Variants in CTSB observed in about 807,000 individuals in gnomAD.
The protein encoded by CTSB is APP secretase.
CTSB carries 57 observed loss-of-function variants against 44.3 expected under a neutral mutation model. The observed-to-expected ratio is 1.29, with a 90% CI of 1.04 to 1.60. The LOEUF (loss-of-function observed/expected upper bound fraction) is 1.60. CTSB is among the 40% of genes most tolerant of loss of function. The pLI is 0.00. For missense variants in CTSB, 768 were observed against 443.0 expected (o/e 1.73, Z -6.59); for synonymous variants, 320 against 168.0 (o/e 1.91, Z -7.00).
Position 11,845,150 on chromosome 8 carries a change from G to C in CTSB, c.995C>G (p.Thr332Ser), listed in dbSNP as rs144732218. 6.2e-7 allele frequency: 1 copy of C among 1,613,636 alleles called. No individual in the cohort carries two copies. The highest frequency in any genetic ancestry group is 2.2e-5 in the East Asian group (1 of 44,888). ...TTAGATCTTTTCCCAGTACTGATCG[G>C]TGCGTGGAATTCCAGCCACCACTTC... ...ESEVVAGIPR[T>S]DQYWEKI is the part of the protein sequence containing the mutation. The change falls in exon 10 of 10, where the codon ACC becomes AGC. Residue 332 changes from threonine to serine, a missense_variant. Transcript: ENST00000353047.
chr8:11,864,331 A>AG (rs1816818261), intron 1 of CTSB: 1 of 150,238 alleles, frequency 6.7e-6, no homozygotes, highest in Non-Finnish European at 1.5e-5. Context: ...AAAAAAAAAA[A>AG]AAAAAAAAAA....
Position 11,845,240 on chromosome 8 carries a change from G to T in CTSB, c.923-18C>A, listed in dbSNP as rs770040748. On this transcript the variant is annotated intron_variant, in intron 9 of 9. Transcript: ENST00000353047. The stretch of plus-strand genomic sequence containing the variant: ...AAAGAAGCCTGGGAATAAAAAGTAA[G>T]GTGCTTTTAAAGTGTGACAAGGGTC... The T allele has an allele frequency of 1.7e-5, 27 of 1,585,456 alleles. No homozygotes were observed. Among genetic ancestry groups the T allele is most frequent in the Non-Finnish European group, 2.3e-5 (27 of 1,154,440 alleles).
intron 5 of CTSB, 123 bp from the exon 6 acceptor site, chr8:11,848,275 G>T (rs376035491): frequency 1.2e-6 from 1 of 825,790 alleles, no homozygotes; most frequent in Non-Finnish European, 2.1e-6. Flanking sequence ...CAAGTGGTGC[G>T]AGCAGACCTC....
Position 11,843,033 on chromosome 8 carries a change from C to T in CTSB, c.*2092G>A, listed in dbSNP as rs190531764. The T allele has an allele frequency of 0.016, 2,479 of 150,900 alleles. 34 individuals carry two copies. Among genetic ancestry groups the T allele is most frequent in the Non-Finnish European group, 0.023 (1,581 of 67,916 alleles). The allele number at this position is 150,900 out of a possible 1,614,324, so 9.3% of individuals were successfully genotyped here. A position where few individuals can be genotyped will look rare whatever the true frequency, so the allele number is the denominator to read the frequency against. ...GCACTGTCTTGGCTCACTGCAACCTCCGCCTCCCGGGTTCAAGCGATTCTC... is the reference window on the plus strand; with the variant it reads ...GCACTGTCTTGGCTCACTGCAACCTTCGCCTCCCGGGTTCAAGCGATTCTC... On this transcript the variant is annotated 3_prime_UTR_variant, in exon 10 of 10. Transcript: ENST00000353047.
chr8:11,842,940 T>A lies in CTSB; in HGVS notation c.*2185A>T, dbSNP rs112289724. On this transcript the variant is annotated 3_prime_UTR_variant, in exon 10 of 10. Coordinates refer to ENST00000353047, the MANE Select transcript of CTSB (RefSeq NM_001908.5). ...GCTTGAGCCACTGCGCCCGGCCTTT[T>A]TTTTTTTTTTTTTTTTTTTAATTAT... The A allele has an allele frequency of 5.3e-4, 30 of 56,696 alleles. 1 individual carries two copies. The highest frequency in any genetic ancestry group is 1.6e-3 in the African/African-American group (26 of 16,478). 3.5% of individuals were successfully genotyped at this position (56,696 alleles called of 1,614,324 possible).
rs1328920586 is a variant in CTSB at position 11,843,580 on chromosome 8, A to C, written c.*1545T>G. The C allele has an allele frequency of 6.6e-6, 1 of 152,248 alleles. No homozygotes were observed. Among genetic ancestry groups the C allele is most frequent in the Admixed American group, 6.5e-5 (1 of 15,292 alleles). 9.4% of individuals were successfully genotyped at this position (152,248 alleles called of 1,614,324 possible). A position where few individuals can be genotyped will look rare whatever the true frequency, so the allele number is the denominator to read the frequency against. ...AACCAGTGGCATACAAATTCAAAAT[A>C]CTGTATACAGGCCCTGACTCCAGCC... On this transcript the variant is annotated 3_prime_UTR_variant, in exon 10 of 10. Transcript: ENST00000353047.
intron 4 of CTSB, among the ~76,000 whole-genome samples, chr8:11,849,834 G>C (rs1208014417): frequency 3.9e-5 from 6 of 152,164 alleles, no homozygotes; most frequent in African/African-American, 1.4e-4. Context: ...GCCTGCCTCA[G>C]CCTCCCAAAG....
intron 1 of CTSB, among the ~76,000 whole-genome samples, chr8:11,863,666 G>C (rs975705839): frequency 4.6e-5 from 7 of 152,294 alleles, no homozygotes; most frequent in African/African-American, 1.7e-4. Context: ...CTAGGCATAA[G>C]TGGGTTACTG....
chr8:11,857,580 G>C (rs1054186767), intron 1 of CTSB, among the ~76,000 whole-genome samples: 1 of 152,140 alleles, frequency 6.6e-6, no homozygotes, highest in Non-Finnish European at 1.5e-5. Context: ...TACTGTGGTG[G>C]CTGAGAACAC....
rs1812799555 is a variant in CTSB, at chr8:11,844,226, T to TC, written c.*898dup. On this transcript the variant is annotated 3_prime_UTR_variant, in exon 10 of 10. Coordinates refer to ENST00000353047, the MANE Select transcript of CTSB (RefSeq NM_001908.5). ...CCCAAGAGTCGCAAGAACATGCAGTTCCAGGACGTGATTCTCTGCAGGGAC... is the reference window on the plus strand; with the variant it reads ...CCCAAGAGTCGCAAGAACATGCAGTTCCCAGGACGTGATTCTCTGCAGGGAC... 1 of 152,138 alleles carries TC rather than the reference T, an allele frequency of 6.6e-6. No individual in the cohort carries two copies. The highest frequency in any genetic ancestry group is 6.5e-5 in the Admixed American group (1 of 15,280). The allele number at this position is 152,138 out of a possible 1,614,324, so 9.4% of individuals were successfully genotyped here.
Position 11,848,109 on chromosome 8 carries a change from T to C in CTSB, c.490A>G (p.Arg164Gly), listed in dbSNP as rs1764150031. ...YPAEAWNFWTRKGLVSGGLYE... is the reference protein window; with the variant it reads ...YPAEAWNFWTGKGLVSGGLYE... ...AGGCCACCAGAAACCAGGCCTTTTC[T>C]TGTCCAGAAGTTCCAAGCTTCAGCA... The change falls in exon 6 of 10, where the codon AGA becomes GGA. Residue 164 changes from arginine (R) to glycine (G), a missense_variant. Coordinates refer to ENST00000353047, the MANE Select transcript of CTSB (RefSeq NM_001908.5). 1 of 1,614,182 alleles carries C rather than the reference T, an allele frequency of 6.2e-7. No individual in the cohort carries two copies. Among genetic ancestry groups the C allele is most frequent in the Non-Finnish European group, 8.5e-7 (1 of 1,180,002 alleles).
Position 11,845,041 on chromosome 8 carries a change from T to G in CTSB, c.*84A>C. On this transcript the variant is annotated 3_prime_UTR_variant, in exon 10 of 10. Transcript: ENST00000353047. ...CAGTCCTTCAGACCCTGTCTGAAAC[T>G]TGTATCTTACGTGAACTTAAAGAAT... The G allele has an allele frequency of 1.0e-6, 1 of 952,962 alleles. No individual in the cohort carries two copies. The highest frequency in any genetic ancestry group is 1.7e-6 in the Non-Finnish European group (1 of 598,522). The allele number at this position is 952,962 out of a possible 1,614,324, so 59.0% of individuals were successfully genotyped here.
rs748232233 is a variant in CTSB at position 11,847,175 on chromosome 8, A to C, written c.677-7T>G. ...ACGCTGTAGGAATTGTATCCTGGAA[A>C]ATGAACCGAGCTCGGGGTTGGGGAG... On this transcript the variant is annotated splice_region_variant and splice_polypyrimidine_tract_variant and intron_variant, in intron 7 of 9. Coordinates refer to ENST00000353047, the MANE Select transcript of CTSB (RefSeq NM_001908.5). The C allele has an allele frequency of 3.2e-5, 50 of 1,584,620 alleles. 2 individuals carry two copies. The highest frequency in any genetic ancestry group is 2.1e-4 in the South Asian group (19 of 90,520).
intron 7 of CTSB, 99 bp downstream of exon 7, chr8:11,847,580 C>G (rs1813638824): frequency 7.3e-7 from 1 of 1,361,732 alleles, no homozygotes; most frequent in Non-Finnish European, 9.8e-7. Flanking sequence ...TCCGGGACCC[C>G]AAGGCTCCTC....
rs762672116 is a variant in CTSB at position 11,845,692 on chromosome 8, G to C, written c.891C>G (p.Ala297=). 5.0e-6 allele frequency: 8 copies of C among 1,613,884 alleles called. No individual in the cohort carries two copies. Among genetic ancestry groups the C allele is most frequent in the African/African-American group, 4.0e-5 (3 of 74,938 alleles). The change falls in exon 9 of 10, where the codon GCC becomes GCG. Residue 297 remains alanine (A), a synonymous_variant. Transcript: ENST00000353047. Reference sequence around the variant, plus strand: ...CACCCCAGTCAGTGTTCCAGGAGTTGGCAACCAGCCAGTAGGGTGTGCCAT... The same window carrying C: ...CACCCCAGTCAGTGTTCCAGGAGTTCGCAACCAGCCAGTAGGGTGTGCCAT... The part of the protein sequence containing the change: ...VENGTPYWLV[A]NSWNTDWGDN...
In CTSB at chr8:11,845,228, A is replaced by T. The variant is rs781482401; in HGVS notation, c.923-6T>A. ...TCTGAGTATTTTAAAGAAGCCTGGGAATAAAAAGTAAGGTGCTTTTAAAGT... is the reference window on the plus strand; with the variant it reads ...TCTGAGTATTTTAAAGAAGCCTGGGTATAAAAAGTAAGGTGCTTTTAAAGT... On this transcript the variant is annotated splice_polypyrimidine_tract_variant and splice_region_variant and intron_variant, in intron 9 of 9. Coordinates refer to ENST00000353047, the MANE Select transcript of CTSB (RefSeq NM_001908.5). The T allele has an allele frequency of 6.2e-7, 1 of 1,604,152 alleles. No individual in the cohort carries two copies. Among genetic ancestry groups the T allele is most frequent in the Middle Eastern group, 1.7e-4 (1 of 6,052 alleles).
At position 11,845,121 on chromosome 8, in the gene CTSB, C is replaced by T. The variant is rs867836221; in HGVS notation, c.*4G>A. The T allele has an allele frequency of 2.5e-6, 4 of 1,606,724 alleles. No individual in the cohort carries two copies. Among genetic ancestry groups the T allele is most frequent in the Middle Eastern group, 1.7e-4 (1 of 6,038 alleles). ...CAGGACTGGCACGACAGGCCCACGGCAGATTAGATCTTTTCCCAGTACTGA... is the reference window on the plus strand; with the variant it reads ...CAGGACTGGCACGACAGGCCCACGGTAGATTAGATCTTTTCCCAGTACTGA... On this transcript the variant is annotated 3_prime_UTR_variant, in exon 10 of 10. Transcript: ENST00000353047.
At chr8:11,853,206 T>C in intron 2 of CTSB, 123 bp downstream of exon 2, 3 of 1,381,792 alleles carry the variant, frequency 2.2e-6, no homozygotes, top group Non-Finnish European at 3.0e-6. Context: ...GTCAGGGCCA[T>C]TTTTCAACAG....
At position 11,850,973 on chromosome 8, in the gene CTSB, A is replaced by G. The variant is rs753508800; in HGVS notation, c.220T>C (p.Phe74Leu). Residue 74 changes from phenylalanine to leucine, a missense_variant, in exon 4 of 10, where the codon TTT (phenylalanine) becomes CTT (leucine). By Grantham distance (22) the Phe-to-Leu change is conservative. Coordinates refer to ENST00000353047, the MANE Select transcript of CTSB (RefSeq NM_001908.5). Reference protein sequence around the residue: ...GGPKPPQRVMFTEDLKLPASF... With the variant: ...GGPKPPQRVMLTEDLKLPASF... Reference sequence around the variant, plus strand: ...GCAGGCAGCTTCAGGTCCTCGGTAAACATAACTCTGGATAAAGGAAGGTCT... The same window carrying G: ...GCAGGCAGCTTCAGGTCCTCGGTAAGCATAACTCTGGATAAAGGAAGGTCT... 6.2e-7 allele frequency: 1 copy of G among 1,611,492 alleles called. No individual in the cohort carries two copies. Among genetic ancestry groups the G allele is most frequent in the East Asian group, 2.2e-5 (1 of 44,844 alleles).
Sources: gnomAD v4.1 joint callset for allele counts (sites outside exome capture counted in the v4.1 genomes callset) on GRCh38, gnomAD v4.1.1 for gene constraint, MANE v1.5 for transcripts, NCBI Gene and HGNC (gene_info 2026-07-23, HGNC 2026-07-21) for gene names.